TP73: variants seen among roughly 807,000 people sequenced by gnomAD.
TP73 encodes p53-like transcription factor.
Under a neutral mutation model 62.5 loss-of-function variants are expected in TP73, and 25 were observed. That is an observed-to-expected ratio of 0.40 (90% CI 0.29 to 0.56). The LOEUF (loss-of-function observed/expected upper bound fraction) is 0.56, where lower values mean the gene tolerates loss of function less well. TP73 is among the 20% of genes least tolerant of loss of function. The pLI, the probability that TP73 is intolerant of heterozygous loss-of-function variation, is 0.46. For missense variants in TP73, 754 were observed against 913.3 expected, an observed-to-expected ratio of 0.83 and a Z score of 2.25; for synonymous variants, 423 against 377.5, an observed-to-expected ratio of 1.12 and a Z score of -1.40.
At chr1:3,695,382 C>G (rs1638542775) in intron 3 of TP73, among the ~76,000 whole-genome samples, 1 of 152,188 alleles carries the variant, frequency 6.6e-6, no homozygotes, top group South Asian at 2.1e-4. Flanking sequence ...GGGAGACACC[C>G]CTAGCTCTCC....
intron 4 of TP73, among the ~76,000 whole-genome samples, chr1:3,720,514 G>A (rs991697053): frequency 5.9e-5 from 9 of 152,216 alleles, no homozygotes; most frequent in African/African-American, 4.8e-5. Flanking sequence ...ACAGACCAGC[G>A]TTCCTGGCTG....
In TP73 at chr1:3,696,848, C is replaced by A. The variant is rs1179958238; in HGVS notation, c.187-10701C>A. On this transcript the variant is annotated intron_variant, in intron 3 of 13. Coordinates refer to ENST00000378295, the MANE Select transcript of TP73 (RefSeq NM_005427.4). This position sits in a 1 kb window ranked among gnomAD's most constrained non-coding sequence, Gnocchi z 4.1. Reference sequence around the variant, plus strand: ...AGATCCAGGGATCAGAGGAGCCACCCCACTCACCCGCCTGCTGTGCCTAGT... The same window carrying A: ...AGATCCAGGGATCAGAGGAGCCACCACACTCACCCGCCTGCTGTGCCTAGT... Among the ~76,000 whole-genome samples, 2 of 152,144 alleles carry A rather than the reference C, an allele frequency of 1.3e-5. No individual in the cohort carries two copies. Among genetic ancestry groups the A allele is most frequent in the Non-Finnish European group, 2.9e-5 (2 of 68,012 alleles).
chr1:3,719,788 C>T lies in TP73; in HGVS notation c.430-2233C>T, dbSNP rs142384821. On this transcript the variant is annotated intron_variant, in intron 4 of 13. Coordinates refer to ENST00000378295, the MANE Select transcript of TP73 (RefSeq NM_005427.4). ...CACAACAAGGAGACTGCTGTACTTCCCGCTGTGCCCAAGCCTGCAGCTCCG... is the reference window on the plus strand; with the variant it reads ...CACAACAAGGAGACTGCTGTACTTCTCGCTGTGCCCAAGCCTGCAGCTCCG... Among the ~76,000 whole-genome samples the T allele has an allele frequency of 3.2e-3, 482 of 152,338 alleles. 1 individual carries two copies. Among genetic ancestry groups the T allele is most frequent in the Middle Eastern group, 0.01 (3 of 294 alleles).
rs115171913 is a variant in TP73 at position 3,686,714 on chromosome 1, A to G, written c.186+3534A>G. Among the ~76,000 whole-genome samples, 1,066 of 152,180 alleles carry G rather than the reference A, an allele frequency of 7.0e-3. 16 individuals are homozygous for G. The highest frequency in any genetic ancestry group is 0.024 in the African/African-American group (1,004 of 41,516). Reference sequence around the variant, plus strand: ...ACCCCGTGGTCACTGTGGCCATCTGACTGAGGTGGCCCAGAAAGTCCAGCA... The same window carrying G: ...ACCCCGTGGTCACTGTGGCCATCTGGCTGAGGTGGCCCAGAAAGTCCAGCA... On this transcript the variant is annotated intron_variant, in intron 3 of 13. Coordinates refer to ENST00000378295, the MANE Select transcript of TP73 (RefSeq NM_005427.4).
intron 1 of TP73, among the ~76,000 whole-genome samples, chr1:3,657,180 C>T (rs1158369894): frequency 6.6e-6 from 1 of 152,212 alleles, no homozygotes; most frequent in African/African-American, 2.4e-5. Context: ...TGTTGTCTCA[C>T]GGTTGTGGAG....
At chr1:3,702,525 AG>A (rs1198769195) in intron 3 of TP73, among the ~76,000 whole-genome samples, 1 of 152,148 alleles carries the variant, frequency 6.6e-6, no homozygotes, top group Non-Finnish European at 1.5e-5. Flanking sequence ...AGGTGCACCC[AG>A]GGAGGTCCCC....
At chr1:3,683,735 C>G (rs1241858140) in intron 3 of TP73, among the ~76,000 whole-genome samples, 1 of 152,226 alleles carries the variant, frequency 6.6e-6, no homozygotes, top group Non-Finnish European at 1.5e-5. Flanking sequence ...TCCTGCCTCC[C>G]GTTGATCTGA....
In TP73 at chr1:3,731,021, C is replaced by T; in HGVS notation, c.1440C>T (p.His480=). 1 of 1,612,532 alleles carries T rather than the reference C, an allele frequency of 6.2e-7. No homozygotes were observed. Among genetic ancestry groups the T allele is most frequent in the Non-Finnish European group, 8.5e-7 (1 of 1,179,840 alleles). The change falls in exon 12 of 14, where the codon CAC becomes CAT. Residue 480 remains histidine (H), a synonymous_variant. Coordinates refer to ENST00000378295, the MANE Select transcript of TP73 (RefSeq NM_005427.4). ...HSAQSMVSGS[H]CTPPPPYHAD... ...CCCAGTCCATGGTCTCGGGGTCCCA[C>T]TGCACTCCGCCACCCCCCTACCACG...
At chr1:3,708,687 C>T (rs1259685595) in intron 4 of TP73, among the ~76,000 whole-genome samples, 1 of 152,186 alleles carries the variant, frequency 6.6e-6, no homozygotes, top group Non-Finnish European at 1.5e-5. Context: ...GGCTGCATGA[C>T]CCCAGCCAGG....
intron 1 of TP73, among the ~76,000 whole-genome samples, chr1:3,661,920 T>C (rs1302425311): frequency 6.6e-6 from 1 of 150,678 alleles, no homozygotes; most frequent in Non-Finnish European, 1.5e-5. Context: ...ATTAGCTGGG[T>C]GTGGTGGTGC....
At position 3,696,548 on chromosome 1, in the gene TP73, A is replaced by G. The variant is rs1638676508; in HGVS notation, c.187-11001A>G. Among the ~76,000 whole-genome samples the G allele has an allele frequency of 6.6e-6, 1 of 151,548 alleles. No individual in the cohort carries two copies. The highest frequency in any genetic ancestry group is 2.4e-5 in the African/African-American group (1 of 41,236). Reference sequence around the variant, plus strand: ...CACTACGACATCCGAGACACCAAGCAGAGGGGGAGATGCAGAGGGGCAGCC... The same window carrying G: ...CACTACGACATCCGAGACACCAAGCGGAGGGGGAGATGCAGAGGGGCAGCC... On this transcript the variant is annotated intron_variant, in intron 3 of 13. Coordinates refer to ENST00000378295, the MANE Select transcript of TP73 (RefSeq NM_005427.4). The surrounding 1 kb of genome is among the most constrained non-coding windows in gnomAD (Gnocchi z 4.1).
intron 11 of TP73, 137 bp from the exon 12 acceptor site, chr1:3,730,790 C>T (rs1642077686): frequency 2.5e-6 from 3 of 1,192,096 alleles, no homozygotes; most frequent in South Asian, 3.0e-5. Context: ...CTCTAGCTGG[C>T]AGGGGTGATG....
Position 3,663,264 on chromosome 1 carries a change from A to T in TP73, c.-34+10623A>T, listed in dbSNP as rs1885861. 0.81 allele frequency among the ~76,000 whole-genome samples: 123,338 copies of T among 152,212 alleles called. 50,162 individuals are homozygous for T. Among genetic ancestry groups the T allele is most frequent in the African/African-American group, 0.88 (36,495 of 41,540 alleles). On this transcript the variant is annotated intron_variant, in intron 1 of 13. Coordinates refer to ENST00000378295, the MANE Select transcript of TP73 (RefSeq NM_005427.4). The surrounding 1 kb of genome is among the most constrained non-coding windows in gnomAD (Gnocchi z 4.7). ...TCACGAGCCTGGTGGCTGCCGTACC[A>T]GTAATGAAAGACAAGTTAACAAGAG...
At chr1:3,690,276 C>T (rs1033204254) in intron 3 of TP73, among the ~76,000 whole-genome samples, 1 of 152,214 alleles carries the variant, frequency 6.6e-6, no homozygotes, top group Admixed American at 6.5e-5. Flanking sequence ...CTCCATGCAG[C>T]CCTTGGACTG....
intron 5 of TP73, 24 bp downstream of exon 5, chr1:3,722,231 C>T: frequency 1.1e-5 from 18 of 1,611,508 alleles, no homozygotes; most frequent in Non-Finnish European, 1.4e-5. Context: ...GCTCCTCTGC[C>T]CACGGTGGCA....
In TP73 at chr1:3,699,055, G is replaced by C. The variant is rs1638926500; in HGVS notation, c.187-8494G>C. On this transcript the variant is annotated intron_variant, in intron 3 of 13. Transcript: ENST00000378295. The surrounding 1 kb of genome is among the most constrained non-coding windows in gnomAD (Gnocchi z 4.1). The stretch of plus-strand genomic sequence containing the variant: ...TGAGAGCAGAGGGTGCTGTGGGTGA[G>C]AGCACAGGGTGCTGTGGGTGAGAGC... Among the ~76,000 whole-genome samples, 1 of 151,422 alleles carries C rather than the reference G, an allele frequency of 6.6e-6. No homozygotes were observed. The highest frequency in any genetic ancestry group is 1.5e-5 in the Non-Finnish European group (1 of 67,988).
rs1491257886 is a variant in TP73 at position 3,666,150 on chromosome 1, A to AG, written c.-34+13509_-34+13510insG. Reference sequence around the variant, plus strand: ...AAAAAAAAAAAAAAAAAAAAAAAAAAAGAGAGAGAGAGAGAGAGAATCTCA... The same window carrying AG: ...AAAAAAAAAAAAAAAAAAAAAAAAAAGAGAGAGAGAGAGAGAGAGAATCTCA... On this transcript the variant is annotated intron_variant, in intron 1 of 13. Transcript: ENST00000378295. The surrounding 1 kb of genome is among the most constrained non-coding windows in gnomAD (Gnocchi z 6.4). 9.2e-4 allele frequency among the ~76,000 whole-genome samples: 127 copies of AG among 138,542 alleles called. No homozygotes were observed. Among genetic ancestry groups the AG allele is most frequent in the African/African-American group, 3.3e-3 (113 of 33,908 alleles). The allele number at this position is 138,542 out of a possible 152,430, so 90.9% of individuals were successfully genotyped here. A position where few individuals can be genotyped will look rare whatever the true frequency, so the allele number is the denominator to read the frequency against.
At chr1:3,711,377 C>T (rs1167370232) in intron 4 of TP73, among the ~76,000 whole-genome samples, 1 of 152,240 alleles carries the variant, frequency 6.6e-6, no homozygotes, top group African/African-American at 2.4e-5. Context: ...CACTCCTGTC[C>T]TGGGAGCCCT....
intron 3 of TP73, among the ~76,000 whole-genome samples, chr1:3,706,711 G>T (rs1302125801): frequency 6.6e-6 from 1 of 152,090 alleles, no homozygotes; most frequent in Non-Finnish European, 1.5e-5. Context: ...CTCAGCTGGG[G>T]CCTCCCTTAA....
Sources: allele counts gnomAD v4.1 joint callset (sites outside exome capture counted in the v4.1 genomes callset), GRCh38; gene constraint gnomAD v4.1.1; non-coding constraint Gnocchi (gnomAD v3.1); transcripts MANE v1.5; gene names NCBI Gene and HGNC (gene_info 2026-07-23, HGNC 2026-07-21).